Variants in ADAMTS16 observed in about 807,000 individuals in gnomAD.
ADAMTS16 encodes ADAM metallopeptidase with thrombospondin type 1 motif 16.
A neutral mutation model predicts 145.8 loss-of-function variants in ADAMTS16; 94 were observed. The observed-to-expected ratio is 0.64, with a 90% confidence interval of 0.55 to 0.77. ADAMTS16 has a LOEUF of 0.77. Ranked by LOEUF, ADAMTS16 falls within the 30% of genes least tolerant of loss-of-function variation. ADAMTS16 has a pLI of 0.00. For synonymous variants in ADAMTS16, 659 were observed against 604.3 expected (o/e 1.09, Z -1.33); for missense variants, 1,585 against 1,591.5 (o/e 1.00, Z 0.07).
intron 18 of ADAMTS16, among the ~76,000 whole-genome samples, chr5:5,302,618 G>A (rs990484570): frequency 1.3e-5 from 2 of 152,166 alleles, no homozygotes; most frequent in South Asian, 2.1e-4. Context: ...AAAATTTAAG[G>A]TAAAGCCTAA....
chr5:5,222,316 A>AATGGATGGATGGATGG (rs10664937), intron 10 of ADAMTS16, among the ~76,000 whole-genome samples: 3 of 148,442 alleles, frequency 2.0e-5, no homozygotes, highest in Non-Finnish European at 4.5e-5. Flanking sequence ...TGCATGGTTA[A>AATGGATGGATGGATGG]ATGGATGGAT....
chr5:5,319,455 C>A lies in ADAMTS16; in HGVS notation c.*317C>A, dbSNP rs1734195128. 2.7e-6 allele frequency: 1 copy of A among 365,200 alleles called. No homozygotes were observed. Among genetic ancestry groups the A allele is most frequent in the Non-Finnish European group, 5.1e-6 (1 of 197,580 alleles). The allele number at this position is 365,200 out of a possible 1,614,324, so 22.6% of individuals were successfully genotyped here. The stretch of plus-strand genomic sequence containing the variant: ...TCACCCCTGCCTGTTGCAGCTAAAT[C>A]AAGTCAAAAAGACAGGCGAGGCTGA... On this transcript the variant is annotated 3_prime_UTR_variant, in exon 23 of 23. Coordinates refer to ENST00000274181, the MANE Select transcript of ADAMTS16 (RefSeq NM_139056.4).
intron 19 of ADAMTS16, 27 bp downstream of exon 19, chr5:5,303,496 G>A (rs1031023203): frequency 6.2e-7 from 1 of 1,607,748 alleles, no homozygotes; most frequent in African/African-American, 1.3e-5. Context: ...TGGCATGGGT[G>A]GCAGCAGGGC....
At chr5:5,197,569 T>C (rs915907234) in intron 8 of ADAMTS16, among the ~76,000 whole-genome samples, 1 of 152,224 alleles carries the variant, frequency 6.6e-6, no homozygotes, top group Non-Finnish European at 1.5e-5. Context: ...TTTATGACTT[T>C]AGCAAATGGG....
chr5:5,237,355 G>T (rs940352995), intron 14 of ADAMTS16, among the ~76,000 whole-genome samples: 1 of 152,170 alleles, frequency 6.6e-6, no homozygotes, highest in African/African-American at 2.4e-5. Flanking sequence ...GGGCTCCTAG[G>T]AGAAGGGAAC....
intron 3 of ADAMTS16, among the ~76,000 whole-genome samples, chr5:5,155,761 G>T (rs1007848480): frequency 6.6e-6 from 1 of 152,004 alleles, no homozygotes; most frequent in Non-Finnish European, 1.5e-5. Context: ...GCCCACTGGG[G>T]ACAAACAGGA....
chr5:5,302,970 A>T (rs75958837), intron 18 of ADAMTS16, among the ~76,000 whole-genome samples: 2 of 135,330 alleles, frequency 1.5e-5, no homozygotes, highest in Non-Finnish European at 3.4e-5. Context: ...TGCATTTTTT[A>T]AAAAAGAAGA....
In ADAMTS16 at chr5:5,186,229, A is replaced by G. The variant is rs1171701611; in HGVS notation, c.941A>G (p.Tyr314Cys). ...QNHGHENITTYVLTILNMVSA... is the reference protein window; with the variant it reads ...QNHGHENITTCVLTILNMVSA... ...CATGGCCATGAAAATATCACCACCTACGTGCTCACGATACTCAACATGGTA... is the reference window on the plus strand; with the variant it reads ...CATGGCCATGAAAATATCACCACCTGCGTGCTCACGATACTCAACATGGTA... The change falls in exon 5 of 23, where the codon TAC (tyrosine) becomes TGC (cysteine). Residue 314 changes from tyrosine to cysteine, a missense_variant. Physicochemically the swap from Tyr to Cys is radical, Grantham distance 194. Transcript: ENST00000274181. 4 of 1,613,572 alleles carry G rather than the reference A, an allele frequency of 2.5e-6. No individual in the cohort carries two copies. Among genetic ancestry groups the G allele is most frequent in the Non-Finnish European group, 3.4e-6 (4 of 1,179,982 alleles).
chr5:5,188,943 C>A (rs1365145469), intron 6 of ADAMTS16, among the ~76,000 whole-genome samples: 1 of 152,166 alleles, frequency 6.6e-6, no homozygotes, highest in African/African-American at 2.4e-5. Context: ...GCGAGGTTAT[C>A]GTTTGATCGT....
chr5:5,282,818 C>G (rs1738971540), intron 18 of ADAMTS16, among the ~76,000 whole-genome samples: 2 of 151,770 alleles, frequency 1.3e-5, no homozygotes, highest in Non-Finnish European at 2.9e-5. Context: ...CTATCAGAAA[C>G]CATTTTAAAA....
intron 6 of ADAMTS16, among the ~76,000 whole-genome samples, chr5:5,188,892 A>C (rs967272881): frequency 6.6e-6 from 1 of 152,118 alleles, no homozygotes. Flanking sequence ...CTGGTATTAA[A>C]ACCTCTTCAC....
intron 21 of ADAMTS16, among the ~76,000 whole-genome samples, chr5:5,307,088 C>T (rs981559691): frequency 6.6e-6 from 1 of 152,160 alleles, no homozygotes; most frequent in Non-Finnish European, 1.5e-5. Context: ...TTGTTCTTTT[C>T]AGCCCACCCT....
chr5:5,151,063 G>A (rs1360153924), intron 3 of ADAMTS16, among the ~76,000 whole-genome samples: 2 of 151,908 alleles, frequency 1.3e-5, no homozygotes, highest in Non-Finnish European at 2.9e-5. Context: ...TTTCCTGGCA[G>A]TTCAAATATA....
chr5:5,204,505 G>A (rs1736040118), intron 9 of ADAMTS16, among the ~76,000 whole-genome samples: 1 of 152,126 alleles, frequency 6.6e-6, no homozygotes, highest in South Asian at 2.1e-4. Flanking sequence ...CTTCCCCAAA[G>A]GTAACCACCA....
intron 3 of ADAMTS16, among the ~76,000 whole-genome samples, chr5:5,155,612 G>T (rs1734581237): frequency 6.6e-6 from 1 of 152,186 alleles, no homozygotes; most frequent in Non-Finnish European, 1.5e-5. Context: ...AGTAGTAGGA[G>T]CTAGCTGGTG....
At chr5:5,157,269 G>A (rs1734626199) in intron 3 of ADAMTS16, among the ~76,000 whole-genome samples, 1 of 151,930 alleles carries the variant, frequency 6.6e-6, no homozygotes, top group Non-Finnish European at 1.5e-5. Context: ...TTTGAAAAAT[G>A]TCTACCTAAA....
chr5:5,232,653 G>C, intron 12 of ADAMTS16, 137 bp downstream of exon 12: 2 of 1,129,052 alleles, frequency 1.8e-6, no homozygotes. Context: ...ACCCAGGCTG[G>C]AGTGCAGTGG....
intron 18 of ADAMTS16, among the ~76,000 whole-genome samples, chr5:5,290,080 T>C (rs1739249535): frequency 6.6e-6 from 1 of 152,232 alleles, no homozygotes; most frequent in African/African-American, 2.4e-5. Context: ...TTTAGTACAT[T>C]TATCTTCTCA....
At chr5:5,244,123 T>A (rs569789889) in intron 17 of ADAMTS16, among the ~76,000 whole-genome samples, 1 of 152,298 alleles carries the variant, frequency 6.6e-6, no homozygotes, top group African/African-American at 2.4e-5. Context: ...CCTGACCTCT[T>A]CATAGGACAG....
Sources: gnomAD v4.1 joint callset for allele counts (sites outside exome capture counted in the v4.1 genomes callset) on GRCh38, gnomAD v4.1.1 for gene constraint, MANE v1.5 for transcripts, NCBI Gene and HGNC (gene_info 2026-07-23, HGNC 2026-07-21) for gene names.